The following LRRC4C variants were observed in gnomAD, a reference collection of about 807,000 sequenced individuals.
The protein encoded by LRRC4C is leucine-rich repeat-containing protein 4C.
In LRRC4C, 5 loss-of-function variants were observed where a neutral mutation model predicts 33.6. The ratio of observed to expected loss-of-function variants is 0.15; its 90% CI spans 0.08 to 0.31. LRRC4C has a LOEUF of 0.31. Ranked by LOEUF, LRRC4C falls within the 10% of genes least tolerant of loss-of-function variation. The pLI is 1.00. For missense variants in LRRC4C, 560 were observed against 796.7 expected (o/e 0.70, Z 3.58); for synonymous variants, 329 against 302.0 (o/e 1.09, Z -0.93).
intron 4 of LRRC4C, among the ~76,000 whole-genome samples, chr11:40,311,712 C>T (rs963952222): frequency 2.6e-5 from 4 of 151,976 alleles, no homozygotes; most frequent in Admixed American, 6.6e-5. Flanking sequence ...TTTGGGAGGC[C>T]GAGATGGGCG....
intron 1 of LRRC4C, among the ~76,000 whole-genome samples, chr11:41,332,726 A>G (rs1951334238): frequency 6.6e-6 from 1 of 152,274 alleles, no homozygotes. Context: ...AACTTTTCTA[A>G]TGTCTGATGG....
chr11:41,330,657 G>A (rs2958846), intron 1 of LRRC4C, among the ~76,000 whole-genome samples: 62,016 of 151,720 alleles, frequency 0.41, 13,804 homozygotes, highest in Non-Finnish European at 0.5. Flanking sequence ...CTGCAGCCTC[G>A]GCCACCTGGG....
intron 1 of LRRC4C, among the ~76,000 whole-genome samples, chr11:41,065,680 G>A (rs1275032643): frequency 6.6e-6 from 1 of 152,180 alleles, no homozygotes; most frequent in African/African-American, 2.4e-5. Flanking sequence ...CTGGCAACAG[G>A]CCAGTATCCC....
intron 2 of LRRC4C, among the ~76,000 whole-genome samples, chr11:40,703,540 G>T (rs901099968): frequency 1.3e-5 from 2 of 152,128 alleles, no homozygotes; most frequent in African/African-American, 4.8e-5. Context: ...CAGCCTAGGT[G>T]ACAGAGTGAG....
intron 3 of LRRC4C, among the ~76,000 whole-genome samples, chr11:40,485,643 T>C (rs1953820529): frequency 6.6e-6 from 1 of 151,936 alleles, no homozygotes; most frequent in Non-Finnish European, 1.5e-5. Flanking sequence ...AATCCAGCAA[T>C]CCCATTAATG....
intron 1 of LRRC4C, among the ~76,000 whole-genome samples, chr11:41,308,976 G>A (rs947770503): frequency 6.6e-6 from 1 of 152,010 alleles, no homozygotes; most frequent in African/African-American, 2.4e-5. Flanking sequence ...GGCTAATTTT[G>A]TATTTGTAGT....
At chr11:40,169,504 C>G (rs2135420059) in intron 5 of LRRC4C, among the ~76,000 whole-genome samples, 1 of 152,178 alleles carries the variant, frequency 6.6e-6, no homozygotes. Context: ...AGCAAGTTTT[C>G]ACCATAACAC....
chr11:41,006,097 A>C lies in LRRC4C; in HGVS notation c.-495-72374T>G, dbSNP rs541132769. 1.2e-4 allele frequency among the ~76,000 whole-genome samples: 19 copies of C among 152,308 alleles called. No homozygotes were observed. The South Asian group carries it at 3.7e-3, about 30-fold the overall frequency. On this transcript the variant is annotated intron_variant, in intron 1 of 6. Transcript: ENST00000528697. ...GAAGAATTTTCAACATATGTTTCAC[A>C]CACAAAAAAATGCTTTAAGCATTCT...
At chr11:41,421,454 T>C (rs1223578972) in intron 1 of LRRC4C, among the ~76,000 whole-genome samples, 1 of 152,056 alleles carries the variant, frequency 6.6e-6, no homozygotes, top group Non-Finnish European at 1.5e-5. Flanking sequence ...TTTGGATTTA[T>C]TTTTCTCAAA....
intron 3 of LRRC4C, among the ~76,000 whole-genome samples, chr11:40,347,322 T>A (rs1947180844): frequency 6.6e-6 from 1 of 152,218 alleles, no homozygotes; most frequent in South Asian, 2.1e-4. Context: ...TTTCCTCACC[T>A]TTCTTAGCCT....
chr11:40,839,814 A>G (rs763439756), intron 2 of LRRC4C, among the ~76,000 whole-genome samples: 2 of 152,254 alleles, frequency 1.3e-5, no homozygotes, highest in Non-Finnish European at 2.9e-5. Flanking sequence ...GTGCTGAAGA[A>G]GAATAAATCT....
At chr11:41,073,531 A>G (rs1157217212) in intron 1 of LRRC4C, among the ~76,000 whole-genome samples, 2 of 152,192 alleles carry the variant, frequency 1.3e-5, no homozygotes, top group East Asian at 3.8e-4. Context: ...TATCCAAACC[A>G]TAGCAGTAGT....
chr11:40,817,631 G>T (rs939298715), intron 2 of LRRC4C, among the ~76,000 whole-genome samples: 1 of 152,044 alleles, frequency 6.6e-6, no homozygotes, highest in Admixed American at 6.6e-5. Context: ...TTTCCTAAAC[G>T]AATGACAAAC....
intron 3 of LRRC4C, among the ~76,000 whole-genome samples, chr11:40,499,953 T>C (rs1448856907): frequency 2.6e-5 from 4 of 152,020 alleles, no homozygotes; most frequent in Non-Finnish European, 4.4e-5. Flanking sequence ...GAAGGGATCA[T>C]TGGGTGTTTT....
At chr11:40,275,837 C>A (rs927331250) in intron 4 of LRRC4C, among the ~76,000 whole-genome samples, 1 of 152,058 alleles carries the variant, frequency 6.6e-6, no homozygotes, top group Non-Finnish European at 1.5e-5. Flanking sequence ...AATCACAAAG[C>A]ATCTATAGAC....
chr11:40,590,178 T>G (rs1399917427), intron 3 of LRRC4C, among the ~76,000 whole-genome samples: 1 of 151,936 alleles, frequency 6.6e-6, no homozygotes, highest in Admixed American at 6.6e-5. Context: ...TGCTTGTTTC[T>G]TTTTATTCTT....
chr11:40,356,499 G>C (rs550978805), intron 3 of LRRC4C, among the ~76,000 whole-genome samples: 6 of 152,270 alleles, frequency 3.9e-5, no homozygotes, highest in African/African-American at 1.4e-4. Context: ...GAACTTCAAT[G>C]TCTGGCCGCT....
At chr11:41,324,335 C>A (rs528460664) in intron 1 of LRRC4C, among the ~76,000 whole-genome samples, 1 of 152,172 alleles carries the variant, frequency 6.6e-6, no homozygotes, top group African/African-American at 2.4e-5. Context: ...GAGGAAGAGG[C>A]AAGAGAATTG....
chr11:41,215,349 G>A (rs189737881), intron 1 of LRRC4C, among the ~76,000 whole-genome samples: 10 of 151,766 alleles, frequency 6.6e-5, no homozygotes, highest in South Asian at 2.1e-4. Flanking sequence ...GTAGCTGGAC[G>A]TGGTGGTGCA....
Sources: gnomAD v4.1 joint callset for allele counts (sites outside exome capture counted in the v4.1 genomes callset) on GRCh38, gnomAD v4.1.1 for gene constraint, MANE v1.5 for transcripts, NCBI Gene and HGNC (gene_info 2026-07-23, HGNC 2026-07-21) for gene names.